The following C19orf18 variants were observed in gnomAD, a reference collection of about 807,000 sequenced individuals.
The protein encoded by C19orf18 is uncharacterized protein C19orf18.
C19orf18 carries 21 observed loss-of-function variants against 23.3 expected under a neutral mutation model. That is an observed-to-expected ratio of 0.90 (90% CI 0.64 to 1.30). The LOEUF (loss-of-function observed/expected upper bound fraction) is 1.30, where lower values mean the gene tolerates loss of function less well. C19orf18 is among the 50% of genes most tolerant of loss of function. The pLI is 0.00. For missense variants in C19orf18, 249 were observed against 259.6 expected (o/e 0.96, Z 0.28); for synonymous variants, 96 against 95.2 (o/e 1.01, Z -0.05).
chr19:57,969,705 G>C (rs1056570705), intron 3 of C19orf18, among the ~76,000 whole-genome samples: 2 of 146,136 alleles, frequency 1.4e-5, no homozygotes, highest in African/African-American at 5.1e-5. Flanking sequence ...TCAGGAGTTT[G>C]AGACCAGCCT....
chr19:57,963,797 G>A (rs2072889935), intron 4 of C19orf18, among the ~76,000 whole-genome samples: 1 of 152,150 alleles, frequency 6.6e-6, no homozygotes, highest in Admixed American at 6.6e-5. Context: ...GGCTGAGGCA[G>A]GAGAATGGCG....
chr19:57,963,750 C>T (rs1028222729), intron 4 of C19orf18, among the ~76,000 whole-genome samples: 2 of 151,838 alleles, frequency 1.3e-5, no homozygotes, highest in Non-Finnish European at 2.9e-5. Context: ...ATTAGCCGGG[C>T]GTGGTGGCGG....
chr19:57,970,379 T>A (rs909351262), intron 3 of C19orf18, among the ~76,000 whole-genome samples: 1 of 152,230 alleles, frequency 6.6e-6, no homozygotes, highest in African/African-American at 2.4e-5. Flanking sequence ...AATGTCAGTC[T>A]CTGCACATAT....
At chr19:57,973,966 C>G in intron 2 of C19orf18, 133 bp downstream of exon 2, 2 of 843,534 alleles carry the variant, frequency 2.4e-6, no homozygotes, top group Non-Finnish European at 3.7e-6. Flanking sequence ...AATTTCCAAG[C>G]AAATGTTTAT....
At chr19:57,960,108 CAA>C (rs112008695) in intron 5 of C19orf18, among the ~76,000 whole-genome samples, 79 of 146,362 alleles carry the variant, frequency 5.4e-4, no homozygotes, top group African/African-American at 1.9e-3. Flanking sequence ...GACTCTGTCT[CAA>C]AAAAAAAAGA....
In C19orf18 at chr19:57,967,183, G is replaced by A. The variant is rs116031603; in HGVS notation, c.269-551C>T. On this transcript the variant is annotated intron_variant, in intron 3 of 5. Transcript: ENST00000314391. ...GCAGAGGCCATATTAGCTGTGTGGT[G>A]GGGACACAACTGAAGCAGTTTCAGG... 2.5e-3 allele frequency among the ~76,000 whole-genome samples: 376 copies of A among 152,266 alleles called. 3 individuals are homozygous for A. Among genetic ancestry groups the A allele is most frequent in the Middle Eastern group, 0.01 (3 of 294 alleles).
chr19:57,972,632 T>C (rs2072952775), intron 2 of C19orf18, 128 bp from the exon 3 acceptor site: 1 of 1,020,574 alleles, frequency 9.8e-7, no homozygotes. Context: ...ATATCTAAGA[T>C]GGGATGTGTT....
intron 4 of C19orf18, among the ~76,000 whole-genome samples, chr19:57,962,137 CT>C: frequency 1.2e-5 from 1 of 82,310 alleles, no homozygotes; most frequent in Non-Finnish European, 2.5e-5. Context: ...TTCAAACAGT[CT>C]TACCTGCTCA....
intron 3 of C19orf18, among the ~76,000 whole-genome samples, chr19:57,967,609 G>A (rs1222691774): frequency 3.3e-5 from 5 of 152,018 alleles, no homozygotes; most frequent in South Asian, 4.2e-4. Context: ...AAAATTCATC[G>A]GGTGCGGTGG....
chr19:57,964,747 ACATGG>A (rs1437133931), intron 4 of C19orf18, among the ~76,000 whole-genome samples: 1 of 152,170 alleles, frequency 6.6e-6, no homozygotes, highest in Non-Finnish European at 1.5e-5. Context: ...AATATCTCAC[ACATGG>A]CAATATATCT....
rs2072969377 is a variant in C19orf18 at position 57,974,462 on chromosome 19, T to C, written c.-30A>G. On this transcript the variant is annotated 5_prime_UTR_variant, in exon 1 of 6. Coordinates refer to ENST00000314391, the MANE Select transcript of C19orf18 (RefSeq NM_152474.5). ...CTCAAATTATCAGTATTTTATCCCG[T>C]AGATGAAAGGAAATACTTAGCTACA... 2 of 1,609,758 alleles carry C rather than the reference T, an allele frequency of 1.2e-6. No homozygotes were observed. Among genetic ancestry groups the C allele is most frequent in the Non-Finnish European group, 1.7e-6 (2 of 1,178,314 alleles).
At position 57,969,566 on chromosome 19, in the gene C19orf18, G is replaced by GAAA. The variant is rs59100128; in HGVS notation, c.268+2894_268+2896dup. On this transcript the variant is annotated intron_variant, in intron 3 of 5. Coordinates refer to ENST00000314391, the MANE Select transcript of C19orf18 (RefSeq NM_152474.5). ...TGAGACTCTGTCTTAAAAAAAAACA[G>GAAA]AAAAAAAAAAAAAAAAAAAAAAAAA... 6.0e-3 allele frequency among the ~76,000 whole-genome samples: 281 copies of GAAA among 46,492 alleles called. 12 individuals carry two copies. Among genetic ancestry groups the GAAA allele is most frequent in the African/African-American group, 0.011 (113 of 10,524 alleles). 30.5% of individuals were successfully genotyped at this position (46,492 alleles called of 152,430 possible).
At position 57,972,332 on chromosome 19, in the gene C19orf18, T is replaced by C. The variant is rs1600208910; in HGVS notation, c.268+131A>G. Reference sequence around the variant, plus strand: ...CGCATCCCCCTCCAGAGGGGGCACCTTGTCTAACACACATGAAGGCACCAC... The same window carrying C: ...CGCATCCCCCTCCAGAGGGGGCACCCTGTCTAACACACATGAAGGCACCAC... On this transcript the variant is annotated intron_variant, in intron 3 of 5. Transcript: ENST00000314391. 4 of 1,094,608 alleles carry C rather than the reference T, an allele frequency of 3.7e-6. No homozygotes were observed. In the East Asian group the frequency reaches 7.5e-5, roughly 21 times the overall value. 67.8% of individuals were successfully genotyped at this position (1,094,608 alleles called of 1,614,324 possible).
intron 3 of C19orf18, 38 bp downstream of exon 3, chr19:57,972,425 T>G (rs200016229): frequency 3.1e-6 from 5 of 1,610,088 alleles, no homozygotes; most frequent in Non-Finnish European, 4.2e-6. Context: ...TTCAGGAATG[T>G]TGCGGGTCCA....
At chr19:57,970,953 C>T (rs535798468) in intron 3 of C19orf18, among the ~76,000 whole-genome samples, 28 of 152,232 alleles carry the variant, frequency 1.8e-4, no homozygotes, top group African/African-American at 6.5e-4. Context: ...GTCTCAGTGA[C>T]CTTCTAGCAC....
Position 57,973,145 on chromosome 19 carries a change from C to CAAAAA in C19orf18, c.227-646_227-642dup, listed in dbSNP as rs61625681. On this transcript the variant is annotated intron_variant, in intron 2 of 5. Coordinates refer to ENST00000314391, the MANE Select transcript of C19orf18 (RefSeq NM_152474.5). The stretch of plus-strand genomic sequence containing the variant: ...TGGGTGACAGAGTGAGACTCCGTCT[C>CAAAAA]AAAAAAAAAAAAAAAAAAAAAAAAA... Among the ~76,000 whole-genome samples the CAAAAA allele has an allele frequency of 5.4e-4, 13 of 24,188 alleles. 2 individuals carry two copies. Among genetic ancestry groups the CAAAAA allele is most frequent in the Admixed American group, 8.0e-4 (1 of 1,244 alleles). The allele number at this position is 24,188 out of a possible 152,430, so 15.9% of individuals were successfully genotyped here.
intron 3 of C19orf18, among the ~76,000 whole-genome samples, chr19:57,969,832 AT>A: frequency 6.7e-6 from 1 of 149,012 alleles, no homozygotes; most frequent in Non-Finnish European, 1.5e-5. Context: ...AGATCGCATC[AT>A]TACACTCCAG....
At chr19:57,969,566 G>GAAAAAAAAAAAAAAAAAAAA (rs59100128) in intron 3 of C19orf18, among the ~76,000 whole-genome samples, 5 of 46,500 alleles carry the variant, frequency 1.1e-4, no homozygotes, top group Non-Finnish European at 1.4e-4. Context: ...AAAAAAAACA[G>GAAAAAAAAAAAAAAAAAAAA]AAAAAAAAAA....
chr19:57,963,009 T>C (rs552549561), intron 4 of C19orf18, among the ~76,000 whole-genome samples: 7 of 150,702 alleles, frequency 4.6e-5, no homozygotes, highest in Admixed American at 4.0e-4. Context: ...AAAATGAAGA[T>C]GAGTATTTTA....
Sources: gnomAD v4.1 joint callset for allele counts (sites outside exome capture counted in the v4.1 genomes callset) on GRCh38, gnomAD v4.1.1 for gene constraint, MANE v1.5 for transcripts, NCBI Gene and HGNC (gene_info 2026-07-23, HGNC 2026-07-21) for gene names.